Variants in LRRTM4 observed in about 807,000 individuals in gnomAD.
LRRTM4 encodes leucine rich repeat transmembrane neuronal 4.
A neutral mutation model predicts 47.6 loss-of-function variants in LRRTM4; 25 were observed. That is an observed-to-expected ratio of 0.53 (90% CI 0.38 to 0.73). The LOEUF is 0.73. Among genes scored for constraint, LRRTM4 ranks in the 30% least tolerant of loss-of-function variants. LRRTM4 has a pLI of 0.00. For missense variants in LRRTM4, 638 were observed against 713.4 expected (o/e 0.89, Z 1.20); for synonymous variants, 311 against 269.5 (o/e 1.15, Z -1.51).
intron 3 of LRRTM4, among the ~76,000 whole-genome samples, chr2:76,944,839 G>A (rs1301465432): frequency 6.6e-6 from 1 of 151,978 alleles, no homozygotes; most frequent in Non-Finnish European, 1.5e-5. Context: ...GAGTGATTTA[G>A]AAAACAATCA....
intron 3 of LRRTM4, among the ~76,000 whole-genome samples, chr2:76,888,134 A>G (rs1673138440): frequency 6.6e-6 from 1 of 150,912 alleles, no homozygotes; most frequent in South Asian, 2.1e-4. Flanking sequence ...GTGTGTGTAT[A>G]TATGTATTAC....
At chr2:77,419,060 A>G (rs59698187) in intron 3 of LRRTM4, among the ~76,000 whole-genome samples, 5,469 of 152,248 alleles carry the variant, frequency 0.036, 347 homozygotes, top group African/African-American at 0.12. Flanking sequence ...ATTTACTCAT[A>G]TATATTGGGT....
intron 3 of LRRTM4, among the ~76,000 whole-genome samples, chr2:76,861,324 GT>G (rs533831636): frequency 1.3e-5 from 2 of 151,710 alleles, no homozygotes; most frequent in Non-Finnish European, 2.9e-5. Context: ...ATTATTTTTA[GT>G]TTTTTTTAAA....
At chr2:76,958,432 G>A (rs1053193122) in intron 3 of LRRTM4, among the ~76,000 whole-genome samples, 6 of 151,804 alleles carry the variant, frequency 4.0e-5, no homozygotes, top group African/African-American at 1.4e-4. Context: ...CCCCTACGCA[G>A]AGGAGAAACA....
intron 3 of LRRTM4, among the ~76,000 whole-genome samples, chr2:77,224,296 A>G (rs1376831885): frequency 6.6e-6 from 1 of 152,134 alleles, no homozygotes; most frequent in Non-Finnish European, 1.5e-5. Flanking sequence ...GGACATAGGC[A>G]TGGGCAAGGA....
intron 3 of LRRTM4, among the ~76,000 whole-genome samples, chr2:76,750,558 T>C (rs1043282022): frequency 6.6e-6 from 1 of 152,218 alleles, no homozygotes; most frequent in African/African-American, 2.4e-5. Context: ...TCCTTCTGTA[T>C]CTAAAAGTGC....
At chr2:77,443,727 A>C (rs188772325) in intron 3 of LRRTM4, among the ~76,000 whole-genome samples, 48 of 152,292 alleles carry the variant, frequency 3.2e-4, no homozygotes, top group Non-Finnish European at 4.6e-4. Context: ...TCAGAACCAC[A>C]GCTGGGTCTT....
At chr2:77,164,483 C>T (rs539968119) in intron 3 of LRRTM4, among the ~76,000 whole-genome samples, 24 of 152,312 alleles carry the variant, frequency 1.6e-4, no homozygotes, top group African/African-American at 5.5e-4. Flanking sequence ...CAGAACTCTC[C>T]ACCCCAAATC....
intron 3 of LRRTM4, among the ~76,000 whole-genome samples, chr2:77,180,107 A>G (rs886597339): frequency 7.9e-5 from 12 of 152,116 alleles, no homozygotes; most frequent in African/African-American, 2.9e-4. Context: ...GAATCAGAAA[A>G]CTTGTCAGAG....
chr2:76,850,473 C>CA (rs1207261516), intron 3 of LRRTM4, among the ~76,000 whole-genome samples: 22 of 152,124 alleles, frequency 1.4e-4, no homozygotes, highest in African/African-American at 4.3e-4. Context: ...TTCTGATCCT[C>CA]AATTTTGCCA....
intron 3 of LRRTM4, among the ~76,000 whole-genome samples, chr2:77,115,033 A>T (rs1362290803): frequency 6.6e-6 from 1 of 152,150 alleles, no homozygotes; most frequent in Admixed American, 6.6e-5. Context: ...GCAGGAGACC[A>T]GGGCGTATTT....
At chr2:77,181,478 A>G (rs1673345255) in intron 3 of LRRTM4, among the ~76,000 whole-genome samples, 1 of 152,182 alleles carries the variant, frequency 6.6e-6, no homozygotes, top group African/African-American at 2.4e-5. Flanking sequence ...ATTCAAAGGA[A>G]GGACACTGGT....
intron 3 of LRRTM4, among the ~76,000 whole-genome samples, chr2:77,134,705 A>G (rs775208773): frequency 2.0e-5 from 3 of 152,182 alleles, no homozygotes; most frequent in Non-Finnish European, 4.4e-5. Flanking sequence ...TCATGACTAA[A>G]AATACCATAT....
At chr2:77,484,100 G>C (rs1677820958) in intron 3 of LRRTM4, among the ~76,000 whole-genome samples, 1 of 152,162 alleles carries the variant, frequency 6.6e-6, no homozygotes, top group Admixed American at 6.5e-5. Flanking sequence ...TTAGTGGTTT[G>C]AGCCTAACTA....
chr2:77,075,692 G>T (rs548603034), intron 3 of LRRTM4, among the ~76,000 whole-genome samples: 1 of 151,562 alleles, frequency 6.6e-6, no homozygotes, highest in Non-Finnish European at 1.5e-5. Context: ...GAGGCGGGCA[G>T]ATCACGAGGT....
chr2:76,808,475 A>G (rs938456560), intron 3 of LRRTM4, among the ~76,000 whole-genome samples: 6 of 152,140 alleles, frequency 3.9e-5, no homozygotes, highest in Non-Finnish European at 8.8e-5. Flanking sequence ...AGACCTATAA[A>G]GGAGAGACAG....
chr2:76,749,188 G>C (rs1337753409), intron 3 of LRRTM4, among the ~76,000 whole-genome samples: 1 of 152,130 alleles, frequency 6.6e-6, no homozygotes, highest in Non-Finnish European at 1.5e-5. Context: ...ATAACAGAAA[G>C]TTAGAAACAA....
intron 3 of LRRTM4, among the ~76,000 whole-genome samples, chr2:76,807,408 G>GTATATATATA (rs1217096293): frequency 2.5e-5 from 1 of 40,288 alleles, no homozygotes; most frequent in East Asian, 1.6e-3. Flanking sequence ...ATGTATATAC[G>GTATATATATA]TATATATATA....
intron 3 of LRRTM4, among the ~76,000 whole-genome samples, chr2:76,968,847 T>TGTG (rs1676126695): frequency 6.6e-6 from 1 of 151,838 alleles, no homozygotes; most frequent in African/African-American, 2.4e-5. Context: ...CTCATTGATT[T>TGTG]GTGGCTTCCT....
Sources: gnomAD v4.1 joint callset for allele counts (sites outside exome capture counted in the v4.1 genomes callset) on GRCh38, gnomAD v4.1.1 for gene constraint, MANE v1.5 for transcripts, NCBI Gene and HGNC (gene_info 2026-07-23, HGNC 2026-07-21) for gene names.